AKAIN1: variants seen among roughly 807,000 people sequenced by gnomAD.
AKAIN1 encodes A-kinase anchor inhibitor 1.
A neutral mutation model predicts 3.7 loss-of-function variants in AKAIN1; 3 were observed. The observed-to-expected ratio is 0.82, with a 90% confidence interval of 0.37 to 2.12. The LOEUF (loss-of-function observed/expected upper bound fraction) is 2.12, where lower values mean the gene tolerates loss of function less well. Among genes scored for constraint, AKAIN1 ranks in the 30% most tolerant of loss-of-function variants. AKAIN1 has a pLI of 0.06. For missense variants in AKAIN1, 82 were observed against 82.7 expected (o/e 0.99, Z 0.03); for synonymous variants, 31 against 30.8 (o/e 1.01, Z -0.02).
At chr18:5,158,629 T>C (rs934134824) in intron 1 of AKAIN1, among the ~76,000 whole-genome samples, 1 of 152,232 alleles carries the variant, frequency 6.6e-6, no homozygotes, top group Non-Finnish European at 1.5e-5. Flanking sequence ...CTCTTTTCAG[T>C]TGGGTCCAGT....
chr18:5,179,887 G>C (rs1393836437), intron 1 of AKAIN1, among the ~76,000 whole-genome samples: 1 of 152,102 alleles, frequency 6.6e-6, no homozygotes, highest in Non-Finnish European at 1.5e-5. Context: ...TACCTAAAAG[G>C]ACATGACAAA....
intron 1 of AKAIN1, among the ~76,000 whole-genome samples, chr18:5,158,466 A>G (rs2071120627): frequency 2.0e-5 from 3 of 152,156 alleles, no homozygotes. Flanking sequence ...CAGTTTCAAA[A>G]TGTTACACCC....
upstream of AKAIN1, chr18:5,197,364 TC>T (rs2071355365): frequency 8.0e-7 from 1 of 1,256,362 alleles, no homozygotes; most frequent in Non-Finnish European, 1.0e-6. The surrounding 1 kb of genome is among the most constrained non-coding windows in gnomAD (Gnocchi z 6.9). Flanking sequence ...GCAAAGCACT[TC>T]CACCGCTTTC....
chr18:5,162,675 G>A (rs1252281969), intron 1 of AKAIN1, among the ~76,000 whole-genome samples: 2 of 150,456 alleles, frequency 1.3e-5, no homozygotes, highest in East Asian at 2.0e-4. Flanking sequence ...TAGCTGCTGG[G>A]CTGATTTCAA....
At position 5,160,609 on chromosome 18, in the gene AKAIN1, T is replaced by C. The variant is rs374354021; in HGVS notation, c.17-14854A>G. Among the ~76,000 whole-genome samples the C allele has an allele frequency of 4.7e-4, 71 of 152,298 alleles. 1 individual carries two copies. In the South Asian group the frequency reaches 0.014, roughly 31 times the overall value. The stretch of plus-strand genomic sequence containing the variant: ...TTTTATTCATTTCTTGTTAATAATT[T>C]GTTGTGGTCTTCAGCTCTCTGTCCT... On this transcript the variant is annotated intron_variant, in intron 1 of 1. Coordinates refer to ENST00000434239, the MANE Select transcript of AKAIN1 (RefSeq NM_001145194.2).
chr18:5,187,248 A>G (rs2071292969), intron 1 of AKAIN1, among the ~76,000 whole-genome samples: 1 of 152,184 alleles, frequency 6.6e-6, no homozygotes, highest in African/African-American at 2.4e-5. Context: ...TAAGAGATGT[A>G]TCTTTGAAAT....
intron 1 of AKAIN1, among the ~76,000 whole-genome samples, chr18:5,196,654 A>C (rs944329841): frequency 2.6e-5 from 4 of 152,160 alleles, no homozygotes; most frequent in African/African-American, 7.2e-5. Context: ...GCAGTGAGGG[A>C]GATTCCCACG....
rs1219131726 is a variant in AKAIN1 at position 5,197,158 on chromosome 18, GGGCGGGC to G, written c.-112_-106del. ...GGGGTCCGGTGCAGGAGGGCGCGCTGGGCGGGCGGCGGGCGGGGCGGTCAGCACCCCG... is the reference window on the plus strand; with the variant it reads ...GGGGTCCGGTGCAGGAGGGCGCGCTGGGCGGGCGGGGCGGTCAGCACCCCG... On this transcript the variant is annotated 5_prime_UTR_variant, in exon 1 of 2. Transcript: ENST00000434239. This position sits in a 1 kb window ranked among gnomAD's most constrained non-coding sequence, Gnocchi z 6.9. The G allele has an allele frequency of 2.0e-6, 3 of 1,523,444 alleles. No individual in the cohort carries two copies. 94.4% of individuals were successfully genotyped at this position (1,523,444 alleles called of 1,614,324 possible). A position where few individuals can be genotyped will look rare whatever the true frequency, so the allele number is the denominator to read the frequency against.
At chr18:5,160,010 T>G (rs1201048429) in intron 1 of AKAIN1, among the ~76,000 whole-genome samples, 6 of 152,234 alleles carry the variant, frequency 3.9e-5, no homozygotes, top group Admixed American at 3.9e-4. Context: ...CCATCAGTAA[T>G]AGAATTTGGC....
chr18:5,166,668 C>T (rs2071169553), intron 1 of AKAIN1, among the ~76,000 whole-genome samples: 1 of 152,094 alleles, frequency 6.6e-6, no homozygotes, highest in South Asian at 2.1e-4. Context: ...AAAAGAAGGT[C>T]AGAACCTGAT....
chr18:5,170,917 A>T (rs930638530), intron 1 of AKAIN1: 1 of 152,152 alleles, frequency 6.6e-6, no homozygotes, highest in Non-Finnish European at 1.5e-5. Flanking sequence ...CCCAGCTAAG[A>T]TCTTGGCTGG....
At chr18:5,181,808 G>T (rs529322924) in intron 1 of AKAIN1, among the ~76,000 whole-genome samples, 1 of 152,160 alleles carries the variant, frequency 6.6e-6, no homozygotes, top group South Asian at 2.1e-4. Flanking sequence ...AATGATCAAA[G>T]AATAGTATCC....
chr18:5,178,160 G>A (rs927469486), intron 1 of AKAIN1, among the ~76,000 whole-genome samples: 2 of 152,050 alleles, frequency 1.3e-5, no homozygotes, highest in African/African-American at 4.8e-5. Context: ...AACCAAAGCA[G>A]GACTCATCTG....
At chr18:5,193,680 T>C (rs1235987034) in intron 1 of AKAIN1, among the ~76,000 whole-genome samples, 1 of 152,180 alleles carries the variant, frequency 6.6e-6, no homozygotes, top group Non-Finnish European at 1.5e-5. Flanking sequence ...TTAATACCAA[T>C]GGTCAGTGGT....
At position 5,167,165 on chromosome 18, in the gene AKAIN1, T is replaced by A. The variant is rs114451998; in HGVS notation, c.17-21410A>T. On this transcript the variant is annotated intron_variant, in intron 1 of 1. Coordinates refer to ENST00000434239, the MANE Select transcript of AKAIN1 (RefSeq NM_001145194.2). ...GTTTAGAAGCCTGATACTTGATATATGGTAAATATGGCAGTTCAAGTGAGC... is the reference window on the plus strand; with the variant it reads ...GTTTAGAAGCCTGATACTTGATATAAGGTAAATATGGCAGTTCAAGTGAGC... Among the ~76,000 whole-genome samples, 1,028 of 152,204 alleles carry A rather than the reference T, an allele frequency of 6.8e-3. 16 individuals are homozygous for A. Among genetic ancestry groups the A allele is most frequent in the African/African-American group, 0.023 (971 of 41,540 alleles).
intron 1 of AKAIN1, among the ~76,000 whole-genome samples, chr18:5,180,647 C>G (rs766874208): frequency 1.3e-5 from 2 of 152,102 alleles, no homozygotes; most frequent in African/African-American, 4.8e-5. Context: ...AAGCATGAGT[C>G]GGATTGCAAT....
chr18:5,148,621 C>T lies in AKAIN1; in HGVS notation c.17-2866G>A, dbSNP rs77778046. 9.0e-3 allele frequency among the ~76,000 whole-genome samples: 1,375 copies of T among 152,190 alleles called. 6 individuals carry two copies. Among genetic ancestry groups the T allele is most frequent in the Middle Eastern group, 0.021 (6 of 292 alleles). On this transcript the variant is annotated intron_variant, in intron 1 of 1. Transcript: ENST00000434239. ...CTGTAATCCCAGCACTCTGGGAGGC[C>T]GACATGGGCGAATCATTTGAGCTCA... is the stretch of plus-strand genomic sequence containing the variant.
intron 1 of AKAIN1, among the ~76,000 whole-genome samples, chr18:5,194,580 A>C (rs1053059793): frequency 1.5e-4 from 23 of 152,190 alleles, no homozygotes; most frequent in Non-Finnish European, 3.1e-4. Context: ...TTTAAGGTAA[A>C]GAGCCAGGAG....
At chr18:5,197,591 T>C, upstream of AKAIN1, 1 of 721,566 alleles carries the variant, frequency 1.4e-6, no homozygotes, top group South Asian at 7.4e-5. This position sits in a 1 kb window ranked among gnomAD's most constrained non-coding sequence, Gnocchi z 6.9. Flanking sequence ...GAGGGGCGGG[T>C]CTGTCAAGTT....
Sources: allele counts gnomAD v4.1 joint callset (sites outside exome capture counted in the v4.1 genomes callset), GRCh38; gene constraint gnomAD v4.1.1; non-coding constraint Gnocchi (gnomAD v3.1); transcripts MANE v1.5; gene names NCBI Gene and HGNC (gene_info 2026-07-23, HGNC 2026-07-21).